MMP16: variants seen among roughly 807,000 people sequenced by gnomAD.
MMP16 encodes matrix metalloproteinase-16.
MMP16 carries 12 observed loss-of-function variants against 67.8 expected under a neutral mutation model. The ratio of observed to expected loss-of-function variants is 0.18; its 90% confidence interval spans 0.11 to 0.29. The LOEUF (loss-of-function observed/expected upper bound fraction) is 0.29. Among genes scored for constraint, MMP16 ranks in the 10% least tolerant of loss-of-function variants. The pLI is 1.00. For synonymous variants in MMP16, 249 were observed against 255.9 expected (o/e 0.97, Z 0.26); for missense variants, 475 against 765.7 (o/e 0.62, Z 4.48).
chr8:88,191,670 G>A (rs552753777), intron 2 of MMP16, among the ~76,000 whole-genome samples: 1 of 152,170 alleles, frequency 6.6e-6, no homozygotes, highest in Admixed American at 6.5e-5. Context: ...CACACACACA[G>A]ACACACACAC....
chr8:88,180,010 G>A (rs965674799), intron 3 of MMP16, among the ~76,000 whole-genome samples: 5 of 152,106 alleles, frequency 3.3e-5, no homozygotes, highest in African/African-American at 1.2e-4. Context: ...AGGTGGGCGC[G>A]GTGGCTCACA....
At chr8:88,274,985 C>T (rs1049753782) in intron 1 of MMP16, among the ~76,000 whole-genome samples, 1 of 151,836 alleles carries the variant, frequency 6.6e-6, no homozygotes, top group African/African-American at 2.4e-5. Context: ...GCATCATTAC[C>T]CAATTCTCTC....
intron 4 of MMP16, among the ~76,000 whole-genome samples, chr8:88,158,220 A>G (rs1170907395): frequency 6.6e-6 from 1 of 152,114 alleles, no homozygotes; most frequent in Non-Finnish European, 1.5e-5. Context: ...TGGTATTTCT[A>G]GTTCTAGATC....
At chr8:88,265,816 C>T (rs1810468351) in intron 1 of MMP16, among the ~76,000 whole-genome samples, 1 of 152,064 alleles carries the variant, frequency 6.6e-6, no homozygotes, top group Non-Finnish European at 1.5e-5. Flanking sequence ...TTTGTGTAAC[C>T]TTGCAAACAG....
chr8:88,053,251 A>G (rs1808291836), intron 8 of MMP16, among the ~76,000 whole-genome samples: 1 of 152,158 alleles, frequency 6.6e-6, no homozygotes, highest in African/African-American at 2.4e-5. Flanking sequence ...TTTGGTAGGA[A>G]GTGAACAACA....
intron 4 of MMP16, among the ~76,000 whole-genome samples, chr8:88,133,659 C>A (rs1490267825): frequency 1.3e-5 from 2 of 151,546 alleles, no homozygotes; most frequent in Non-Finnish European, 2.9e-5. Flanking sequence ...TCTTAGTAGC[C>A]ATTTTTTGAC....
At chr8:88,096,266 T>C (rs1025685273) in intron 6 of MMP16, among the ~76,000 whole-genome samples, 2 of 151,890 alleles carry the variant, frequency 1.3e-5, no homozygotes, top group Admixed American at 6.6e-5. Flanking sequence ...CTAGATCCTA[T>C]GAGATTATTA....
intron 7 of MMP16, among the ~76,000 whole-genome samples, chr8:88,072,438 G>A (rs1417797551): frequency 6.6e-6 from 1 of 152,040 alleles, no homozygotes; most frequent in East Asian, 1.9e-4. Flanking sequence ...GCTTTGAGAG[G>A]GTTTATTTGA....
At position 88,044,421 on chromosome 8, in the gene MMP16, C is replaced by G. The variant is rs533516120; in HGVS notation, c.1489+2248G>C. Among the ~76,000 whole-genome samples, 127 of 152,292 alleles carry G rather than the reference C, an allele frequency of 8.3e-4. 4 individuals carry two copies. The highest frequency in any genetic ancestry group is 1.4e-3 in the Admixed American group (22 of 15,302). On this transcript the variant is annotated intron_variant, in intron 9 of 9. Transcript: ENST00000286614. ...TAATGGAAGTATGTCAAACCTTGAT[C>G]CTGCAAAATTCATCTTGCTCAACAA...
intron 4 of MMP16, among the ~76,000 whole-genome samples, chr8:88,147,835 T>C (rs1308758555): frequency 1.3e-5 from 2 of 152,022 alleles, no homozygotes; most frequent in African/African-American, 2.4e-5. Context: ...TTTGAATATA[T>C]TGAGCTTCCT....
In MMP16 at chr8:88,046,887, G is replaced by A. The variant is rs1249294363; in HGVS notation, c.1374-103C>T. 4.5e-6 allele frequency: 3 copies of A among 663,192 alleles called. No individual in the cohort carries two copies. In the African/African-American group the frequency reaches 5.5e-5, roughly 12 times the overall value. The allele number at this position is 663,192 out of a possible 1,614,324, so 41.1% of individuals were successfully genotyped here. A position where few individuals can be genotyped will look rare whatever the true frequency, so the allele number is the denominator to read the frequency against. ...CTGACATTTATTAGACCTTTGCTGT[G>A]TGCTTGACTTTGTTACCTGTGCACC... On this transcript the variant is annotated intron_variant, in intron 8 of 9. Coordinates refer to ENST00000286614, the MANE Select transcript of MMP16 (RefSeq NM_005941.5).
chr8:88,263,985 A>AGTGT (rs201685804), intron 1 of MMP16, among the ~76,000 whole-genome samples: 70 of 105,314 alleles, frequency 6.6e-4, no homozygotes, highest in African/African-American at 1.9e-3. Flanking sequence ...AGAGAGAGAG[A>AGTGT]GAGTGTGTGT....
At chr8:88,193,350 AAAAAC>A (rs918051391) in intron 2 of MMP16, among the ~76,000 whole-genome samples, 54 of 152,274 alleles carry the variant, frequency 3.5e-4, no homozygotes, top group East Asian at 1.2e-3. Flanking sequence ...GTGGGAGCTA[AAAAAC>A]AAAACAAAAC....
At chr8:88,225,567 C>G (rs1217679393) in intron 1 of MMP16, among the ~76,000 whole-genome samples, 1 of 151,836 alleles carries the variant, frequency 6.6e-6, no homozygotes, top group Non-Finnish European at 1.5e-5. Flanking sequence ...TTAATCCCAC[C>G]TATTCAGCCA....
intron 6 of MMP16, among the ~76,000 whole-genome samples, chr8:88,105,820 T>C (rs972333458): frequency 2.0e-5 from 3 of 150,764 alleles, no homozygotes; most frequent in Non-Finnish European, 4.5e-5. Context: ...AAAGACAAAA[T>C]TAAAAACAAC....
chr8:88,206,573 T>C (rs891830180), intron 1 of MMP16, among the ~76,000 whole-genome samples: 2 of 152,242 alleles, frequency 1.3e-5, no homozygotes, highest in African/African-American at 4.8e-5. Flanking sequence ...CCTAAGCTGC[T>C]GGATAGGCTC....
chr8:88,063,480 A>AC (rs1370594781), intron 7 of MMP16, among the ~76,000 whole-genome samples: 2 of 141,494 alleles, frequency 1.4e-5, no homozygotes, highest in Non-Finnish European at 3.1e-5. Context: ...GTACCTAATA[A>AC]CCTTTTTTTT....
At chr8:88,084,157 T>TA (rs1053438259) in intron 6 of MMP16, among the ~76,000 whole-genome samples, 8 of 152,038 alleles carry the variant, frequency 5.3e-5, no homozygotes, top group African/African-American at 1.9e-4. Context: ...AAGGCAAAGT[T>TA]ATGTCAGTTG....
rs926031054 is a variant in MMP16 at position 88,246,289 on chromosome 8, T to A, written c.133-48983A>T. Among the ~76,000 whole-genome samples, 4 of 152,190 alleles carry A rather than the reference T, an allele frequency of 2.6e-5. No individual in the cohort carries two copies. In the East Asian group the frequency reaches 7.7e-4, roughly 29 times the overall value. ...TATAGACCAAGTATTTTTGTAACTGTTCATTATATATAGAAAATTAAATAC... is the reference window on the plus strand; with the variant it reads ...TATAGACCAAGTATTTTTGTAACTGATCATTATATATAGAAAATTAAATAC... On this transcript the variant is annotated intron_variant, in intron 1 of 9. Transcript: ENST00000286614.
Sources: gnomAD v4.1 joint callset for allele counts (sites outside exome capture counted in the v4.1 genomes callset) on GRCh38, gnomAD v4.1.1 for gene constraint, MANE v1.5 for transcripts, NCBI Gene and HGNC (gene_info 2026-07-23, HGNC 2026-07-21) for gene names.